Variants in SEMA3A observed in about 807,000 individuals in gnomAD.
SEMA3A encodes semaphorin-3A.
Under a neutral mutation model 97.9 loss-of-function variants are expected in SEMA3A, and 29 were observed. The ratio of observed to expected loss-of-function variants is 0.30; its 90% CI spans 0.22 to 0.40. The LOEUF is 0.40. Among genes scored for constraint, SEMA3A ranks in the 10% least tolerant of loss-of-function variants. The pLI is 1.00. For synonymous variants in SEMA3A, 321 were observed against 323.7 expected, an observed-to-expected ratio of 0.99 and a Z score of 0.09; for missense variants, 763 against 951.3, an observed-to-expected ratio of 0.80 and a Z score of 2.60.
intron 1 of SEMA3A, among the ~76,000 whole-genome samples, chr7:84,426,078 G>T (rs1198584183): frequency 6.6e-6 from 1 of 151,808 alleles, no homozygotes; most frequent in East Asian, 1.9e-4. Context: ...ACTCAGGAAG[G>T]GAAGGGTGGG....
At chr7:84,138,407 T>C (rs1033253611) in intron 1 of SEMA3A, among the ~76,000 whole-genome samples, 5 of 152,064 alleles carry the variant, frequency 3.3e-5, no homozygotes, top group Admixed American at 2.0e-4. Context: ...CAATTCTAAA[T>C]AATAAAAGGA....
chr7:84,484,617 A>G (rs1443406472), intron 1 of SEMA3A, among the ~76,000 whole-genome samples: 1 of 152,106 alleles, frequency 6.6e-6, no homozygotes, highest in Non-Finnish European at 1.5e-5. Context: ...TAATAAATGT[A>G]CCTTAACATA....
At chr7:84,084,812 T>G (rs890840035) in intron 4 of SEMA3A, among the ~76,000 whole-genome samples, 5 of 152,146 alleles carry the variant, frequency 3.3e-5, no homozygotes, top group African/African-American at 1.2e-4. Flanking sequence ...TTCCTGGAAT[T>G]TGACCTTAAT....
intron 5 of SEMA3A, among the ~76,000 whole-genome samples, chr7:84,050,737 G>T (rs890857451): frequency 2.6e-5 from 4 of 152,104 alleles, no homozygotes; most frequent in Admixed American, 6.6e-5. Context: ...GTTGATTTTG[G>T]CTTTTGTTGC....
At chr7:84,053,223 T>G (rs1448889186) in intron 5 of SEMA3A, among the ~76,000 whole-genome samples, 2 of 110,850 alleles carry the variant, frequency 1.8e-5, no homozygotes, top group African/African-American at 5.4e-5. Context: ...AGATGTCTAT[T>G]AGGTACGCTT....
intron 6 of SEMA3A, among the ~76,000 whole-genome samples, chr7:84,022,212 T>C (rs1791356029): frequency 6.6e-6 from 1 of 152,134 alleles, no homozygotes; most frequent in African/African-American, 2.4e-5. Context: ...TGCCTTGTCA[T>C]CAAAAACTCC....
intron 4 of SEMA3A, among the ~76,000 whole-genome samples, chr7:84,107,926 A>T (rs1795157751): frequency 6.6e-6 from 1 of 152,164 alleles, no homozygotes. Flanking sequence ...GCCATAATTT[A>T]CAATATCTGA....
At chr7:84,223,934 C>A (rs1330445548) in intron 3 of SEMA3A, among the ~76,000 whole-genome samples, 1 of 151,786 alleles carries the variant, frequency 6.6e-6, no homozygotes, top group Non-Finnish European at 1.5e-5. Context: ...AGAATAAAAT[C>A]TTGCCAAAAG....
intron 1 of SEMA3A, among the ~76,000 whole-genome samples, chr7:84,424,953 TTA>T (rs1215982940): frequency 0.024 from 2,391 of 100,792 alleles, 120 homozygotes; most frequent in African/African-American, 0.093. Context: ...ATATTTATAA[TTA>T]TATATATAAT....
At chr7:84,301,660 G>A (rs1431988335) in intron 3 of SEMA3A, among the ~76,000 whole-genome samples, 1 of 152,078 alleles carries the variant, frequency 6.6e-6, no homozygotes, top group Non-Finnish European at 1.5e-5. Flanking sequence ...AGGCCATAAG[G>A]TCTCTTTCAC....
At chr7:84,287,801 C>T (rs889949377) in intron 3 of SEMA3A, among the ~76,000 whole-genome samples, 2 of 152,110 alleles carry the variant, frequency 1.3e-5, no homozygotes, top group East Asian at 1.9e-4. Context: ...TCTGAAAACT[C>T]AGCATGTACT....
chr7:84,020,933 T>G (rs59002690), intron 6 of SEMA3A, among the ~76,000 whole-genome samples: 1 of 151,998 alleles, frequency 6.6e-6, no homozygotes, highest in African/African-American at 2.4e-5. Flanking sequence ...TCAGGTTTCA[T>G]AGATTTGAGA....
intron 3 of SEMA3A, among the ~76,000 whole-genome samples, chr7:84,206,733 C>T (rs62477009): frequency 2.7e-4 from 41 of 152,146 alleles, no homozygotes; most frequent in Non-Finnish European, 5.1e-4. Context: ...ATCCAACCAG[C>T]CCAGCCTCCC....
intron 1 of SEMA3A, among the ~76,000 whole-genome samples, chr7:84,182,171 C>G (rs1292640578): frequency 1.3e-5 from 2 of 151,984 alleles, no homozygotes; most frequent in Non-Finnish European, 1.5e-5. Flanking sequence ...GGGTTATTTG[C>G]GATCACAGGT....
intron 15 of SEMA3A, among the ~76,000 whole-genome samples, chr7:83,972,220 T>C (rs887056799): frequency 2.0e-5 from 3 of 152,052 alleles, no homozygotes; most frequent in East Asian, 1.9e-4. Context: ...ATTTGAAATA[T>C]GATAATAAAA....
chr7:84,264,889 G>A (rs1799951215), intron 3 of SEMA3A, among the ~76,000 whole-genome samples: 1 of 152,122 alleles, frequency 6.6e-6, no homozygotes, highest in Non-Finnish European at 1.5e-5. Flanking sequence ...AAGATTTGAA[G>A]TTGTCTAAAC....
At chr7:84,329,190 C>T (rs1473172964) in intron 2 of SEMA3A, among the ~76,000 whole-genome samples, 1 of 151,774 alleles carries the variant, frequency 6.6e-6, no homozygotes, top group Non-Finnish European at 1.5e-5. Context: ...GCAGAGGTAA[C>T]ATTATGTATA....
At chr7:84,015,117 A>G (rs574381857) in intron 6 of SEMA3A, among the ~76,000 whole-genome samples, 7 of 152,176 alleles carry the variant, frequency 4.6e-5, no homozygotes, top group South Asian at 2.1e-4. Flanking sequence ...CAAACTCTCA[A>G]TTGGATTTAT....
chr7:84,011,377 A>C, intron 7 of SEMA3A, 80 bp from the exon 8 acceptor site: 2 of 900,924 alleles, frequency 2.2e-6, no homozygotes, highest in Non-Finnish European at 3.5e-6. Context: ...TCATATCTTC[A>C]GACAAACATA....
Sources: allele counts gnomAD v4.1 joint callset (sites outside exome capture counted in the v4.1 genomes callset), GRCh38; gene constraint gnomAD v4.1.1; transcripts MANE v1.5; gene names NCBI Gene and HGNC (gene_info 2026-07-23, HGNC 2026-07-21).